Variants in ZNF704 observed in about 807,000 individuals in gnomAD.
The protein encoded by ZNF704 is glucocorticoid induced gene 1.
A neutral mutation model predicts 44.7 loss-of-function variants in ZNF704; 10 were observed. The ratio of observed to expected loss-of-function variants is 0.22; its 90% CI spans 0.14 to 0.38. The LOEUF (loss-of-function observed/expected upper bound fraction) is 0.38, where lower values mean the gene tolerates loss of function less well. ZNF704 is among the 10% of genes least tolerant of loss of function. ZNF704 has a pLI of 1.00. For synonymous variants in ZNF704, 211 were observed against 207.6 expected (o/e 1.02, Z -0.14); for missense variants, 390 against 545.5 (o/e 0.71, Z 2.84).
chr8:80,882,685 A>T, the ZNF704 span, among the ~76,000 whole-genome samples: 1 of 152,022 alleles, frequency 6.6e-6, no homozygotes, highest in African/African-American at 2.4e-5. Flanking sequence ...GACTTCATCC[A>T]TTATCATTTT....
At chr8:80,676,946 C>A (rs146786518) in intron 4 of ZNF704, among the ~76,000 whole-genome samples, 2 of 152,134 alleles carry the variant, frequency 1.3e-5, no homozygotes, top group African/African-American at 4.8e-5. Context: ...CGGCTGTGTG[C>A]GGACTGATAA....
chr8:80,682,776 T>C (rs62515117), intron 4 of ZNF704, among the ~76,000 whole-genome samples: 10,042 of 152,336 alleles, frequency 0.066, 481 homozygotes, highest in Middle Eastern at 0.13. Context: ...TAACATTTAT[T>C]GCTCTTTACA....
chr8:80,864,785 C>G (rs1416283180), intron 1 of ZNF704, among the ~76,000 whole-genome samples: 1 of 152,170 alleles, frequency 6.6e-6, no homozygotes, highest in Non-Finnish European at 1.5e-5. Flanking sequence ...CAGCCACATG[C>G]AAATTAGAGG....
chr8:80,727,666 T>C (rs893297874), intron 2 of ZNF704, among the ~76,000 whole-genome samples: 1 of 152,118 alleles, frequency 6.6e-6, no homozygotes, highest in Non-Finnish European at 1.5e-5. Context: ...CTGGCACAGC[T>C]GCAGCCTCAT....
intron 7 of ZNF704, among the ~76,000 whole-genome samples, chr8:80,645,441 C>G (rs529550079): frequency 2.0e-5 from 3 of 152,130 alleles, no homozygotes; most frequent in Admixed American, 1.3e-4. Context: ...TGACACAGTT[C>G]GGATGTGTGT....
chr8:80,653,029 A>C (rs1786823548), intron 7 of ZNF704, among the ~76,000 whole-genome samples: 1 of 152,198 alleles, frequency 6.6e-6, no homozygotes. Context: ...CAAATCAATA[A>C]ACGTAATCCA....
At chr8:80,806,434 C>T (rs1054712957) in intron 2 of ZNF704, among the ~76,000 whole-genome samples, 2 of 152,062 alleles carry the variant, frequency 1.3e-5, no homozygotes, top group African/African-American at 4.8e-5. Flanking sequence ...ACTAAATATC[C>T]CATTTCATTT....
intron 2 of ZNF704, among the ~76,000 whole-genome samples, chr8:80,722,398 G>A (rs1806386419): frequency 6.6e-6 from 1 of 152,152 alleles, no homozygotes. Flanking sequence ...TACCTCACAG[G>A]GCTGTCATGA....
chr8:80,775,401 A>G (rs1333965871), intron 2 of ZNF704, among the ~76,000 whole-genome samples: 3 of 152,228 alleles, frequency 2.0e-5, no homozygotes, highest in Non-Finnish European at 2.9e-5. Context: ...ATGTTTGGTC[A>G]TTCCATTGGT....
chr8:80,813,148 C>A (rs1432373354), intron 2 of ZNF704, among the ~76,000 whole-genome samples: 2 of 152,152 alleles, frequency 1.3e-5, no homozygotes, highest in African/African-American at 4.8e-5. Context: ...ACAGTGCTAC[C>A]GGTCCACCTG....
At chr8:80,764,250 C>T (rs146781211) in intron 2 of ZNF704, among the ~76,000 whole-genome samples, 10 of 152,192 alleles carry the variant, frequency 6.6e-5, no homozygotes, top group South Asian at 4.2e-4. Flanking sequence ...AAAGAAATAA[C>T]GGAGACTGGG....
At position 80,639,556 on chromosome 8, in the gene ZNF704, T is replaced by C. The variant is rs1455887078; in HGVS notation, c.*1810A>G. ...TTCTCTTCTCTTAAAATAAATGTTT[T>C]TAAAGAAAAAAATAAATGAAGAAAA... On this transcript the variant is annotated 3_prime_UTR_variant, in exon 9 of 9. Coordinates refer to ENST00000327835, the MANE Select transcript of ZNF704 (RefSeq NM_001033723.3). 1 of 152,106 alleles carries C rather than the reference T, an allele frequency of 6.6e-6. No individual in the cohort carries two copies. The highest frequency in any genetic ancestry group is 2.1e-4 in the South Asian group (1 of 4,818). The allele number at this position is 152,106 out of a possible 1,614,324, so 9.4% of individuals were successfully genotyped here. A position where few individuals can be genotyped will look rare whatever the true frequency, so the allele number is the denominator to read the frequency against.
intron 2 of ZNF704, among the ~76,000 whole-genome samples, chr8:80,789,274 C>G (rs1807663976): frequency 1.3e-5 from 2 of 152,130 alleles, no homozygotes; most frequent in African/African-American, 2.4e-5. Flanking sequence ...GACAGTGTCA[C>G]AGCATAATTA....
chr8:80,704,218 G>A (rs1028995497), intron 2 of ZNF704, among the ~76,000 whole-genome samples: 1 of 152,206 alleles, frequency 6.6e-6, no homozygotes, highest in Non-Finnish European at 1.5e-5. Flanking sequence ...TGAGCAGGCT[G>A]CAAAGCACAG....
At position 80,736,612 on chromosome 8, in the gene ZNF704, G is replaced by A. The variant is rs895561577; in HGVS notation, c.222-43505C>T. ...TATCGTGGCTGCCCATGAAAACTAC[G>A]AAGGGAACTTAAAAAAAATTGGTGC... On this transcript the variant is annotated intron_variant, in intron 2 of 8. Coordinates refer to ENST00000327835, the MANE Select transcript of ZNF704 (RefSeq NM_001033723.3). 3.9e-5 allele frequency among the ~76,000 whole-genome samples: 6 copies of A among 152,076 alleles called. No individual in the cohort carries two copies. In the East Asian group the frequency reaches 5.8e-4, roughly 15 times the overall value.
At chr8:80,853,560 T>A (rs1330670726) in intron 1 of ZNF704, among the ~76,000 whole-genome samples, 9 of 150,028 alleles carry the variant, frequency 6.0e-5, no homozygotes, top group Non-Finnish European at 1.2e-4. Flanking sequence ...GAAAAAAAAA[T>A]TAAAAAAAAG....
intron 2 of ZNF704, among the ~76,000 whole-genome samples, chr8:80,699,502 A>C (rs1159743938): frequency 6.6e-6 from 1 of 152,172 alleles, no homozygotes; most frequent in Non-Finnish European, 1.5e-5. Context: ...AATACATCAT[A>C]ATACATAAGG....
At chr8:80,784,952 C>T (rs1807591141) in intron 2 of ZNF704, among the ~76,000 whole-genome samples, 1 of 144,802 alleles carries the variant, frequency 6.9e-6, no homozygotes, top group African/African-American at 2.8e-5. Flanking sequence ...GCAGTTTCCC[C>T]TATTATCTTA....
intron 2 of ZNF704, among the ~76,000 whole-genome samples, chr8:80,806,218 A>T (rs563437707): frequency 1.1e-4 from 17 of 152,236 alleles, no homozygotes; most frequent in African/African-American, 4.1e-4. Context: ...CATTATTCAA[A>T]CCCAAAGTCT....
Sources: allele counts gnomAD v4.1 joint callset (sites outside exome capture counted in the v4.1 genomes callset), GRCh38; gene constraint gnomAD v4.1.1; transcripts MANE v1.5; gene names NCBI Gene and HGNC (gene_info 2026-07-23, HGNC 2026-07-21).